AKAP14: variants seen among roughly 807,000 people sequenced by gnomAD.
AKAP14 encodes the protein A-kinase anchor protein 14.
AKAP14 carries 4 observed loss-of-function variants against 17.0 expected under a neutral mutation model. That is an observed-to-expected ratio of 0.23 (90% CI 0.12 to 0.54). The LOEUF is 0.54. Ranked by LOEUF, AKAP14 falls within the 20% of genes least tolerant of loss-of-function variation. AKAP14 has a pLI of 0.95. For missense variants in AKAP14, 129 were observed against 150.9 expected (o/e 0.85, Z 0.76); for synonymous variants, 42 against 51.3 (o/e 0.82, Z 0.77).
intron 4 of AKAP14, among the ~76,000 whole-genome samples, chrX:119,913,479 T>C (rs1264886689): frequency 8.9e-6 from 1 of 112,305 alleles, no homozygotes; most frequent in African/African-American, 3.2e-5. Context: ...CATGTAGACA[T>C]TGAAGGGTGT....
chrX:119,916,109 C>T (rs905557986), intron 5 of AKAP14, among the ~76,000 whole-genome samples: 3 of 111,333 alleles, frequency 2.7e-5, no homozygotes, highest in Non-Finnish European at 5.7e-5. Flanking sequence ...TGAACCACCA[C>T]GCCCAGCTGT....
intron 5 of AKAP14, among the ~76,000 whole-genome samples, chrX:119,916,747 C>T (rs1268026525): frequency 2.0e-5 from 2 of 98,517 alleles, no homozygotes; most frequent in Non-Finnish European, 4.1e-5. Flanking sequence ...GTGATCCACC[C>T]GGCTTAGCCT....
chrX:119,919,657 G>A (rs1329350810), intron 5 of AKAP14: 1 of 274,754 alleles, frequency 3.6e-6, no homozygotes, highest in Non-Finnish European at 6.4e-6. Flanking sequence ...ACCAGCCTGG[G>A]CAACAAGGTA....
chrX:119,914,773 C>A lies in AKAP14; in HGVS notation c.336C>A (p.Leu112=). 1 of 1,209,479 alleles carries A rather than the reference C, an allele frequency of 8.3e-7. No homozygotes were observed. Among genetic ancestry groups the A allele is most frequent in the East Asian group, 3.0e-5 (1 of 33,852 alleles). The change falls in exon 5 of 7, where the codon CTC becomes CTA. Residue 112 remains leucine, a synonymous_variant. Transcript: ENST00000371431. ...GGAAAGACTTAATTCACAGCTTCCT[C>A]TACATCTACTATGTACACTGGAGTA... ...VERKDLIHSF[L]YIYYVHWSIS... is the part of the protein sequence containing the mutation.
At chrX:119,914,989 C>A in intron 5 of AKAP14, 111 bp downstream of exon 5, 1 of 805,498 alleles carries the variant, frequency 1.2e-6, no homozygotes, top group Non-Finnish European at 1.8e-6. Flanking sequence ...ATACTTCTGT[C>A]CTCATCTTAC....
intron 4 of AKAP14, among the ~76,000 whole-genome samples, chrX:119,908,896 G>C (rs2056612582): frequency 7.2e-5 from 8 of 111,653 alleles, no homozygotes. Flanking sequence ...ATTCACAAAA[G>C]GGAGGAAAAA....
At chrX:119,918,930 C>T (rs1431067737) in intron 5 of AKAP14, among the ~76,000 whole-genome samples, 2 of 112,233 alleles carry the variant, frequency 1.8e-5, no homozygotes, top group Non-Finnish European at 3.8e-5. Flanking sequence ...GTCCTATATT[C>T]ATCCTATCCT....
chrX:119,916,295 C>T (rs761053855), intron 5 of AKAP14, among the ~76,000 whole-genome samples: 15 of 110,471 alleles, frequency 1.4e-4, no homozygotes, highest in Non-Finnish European at 2.3e-4. Flanking sequence ...CATCAGCCTT[C>T]CTTGTAGCTG....
chrX:119,915,413 C>T (rs767965407), intron 5 of AKAP14, among the ~76,000 whole-genome samples: 1 of 112,419 alleles, frequency 8.9e-6, no homozygotes, highest in Admixed American at 9.6e-5. Flanking sequence ...TAGCCAAAAT[C>T]CTTGGTGTCA....
rs549133343 is a variant in AKAP14 at position 119,908,284 on chromosome X, CA to C, written c.261+4716del. On this transcript the variant is annotated intron_variant, in intron 4 of 6. Transcript: ENST00000371431. ...CCTGGGCAACAGAGTGAGACTCTGTCAAAAAAAAAAAAAAAAAAGAAGGATG... is the reference window on the plus strand; with the variant it reads ...CCTGGGCAACAGAGTGAGACTCTGTCAAAAAAAAAAAAAAAAAGAAGGATG... Among the ~76,000 whole-genome samples, 412 of 47,426 alleles carry C rather than the reference CA, an allele frequency of 8.7e-3. 4 individuals are homozygous for C. In the East Asian group the frequency reaches 0.09, roughly 10 times the overall value. 41.2% of individuals were successfully genotyped at this position (47,426 alleles called of 115,157 possible). A position where few individuals can be genotyped will look rare whatever the true frequency, so the allele number is the denominator to read the frequency against.
At chrX:119,919,536 G>T (rs1215007589) in intron 5 of AKAP14, among the ~76,000 whole-genome samples, 1 of 112,713 alleles carries the variant, frequency 8.9e-6, no homozygotes, top group Middle Eastern at 4.2e-3. Flanking sequence ...CAAGTGTAGG[G>T]AAGTAAGGAA....
rs369594814 is a variant in AKAP14 at position 119,907,497 on chromosome X, G to A, written c.261+3911G>A. Among the ~76,000 whole-genome samples the A allele has an allele frequency of 1.0e-4, 11 of 108,708 alleles. 1 individual carries two copies. The South Asian group carries it at 1.2e-3, about 12-fold the overall frequency. 94.4% of individuals were successfully genotyped at this position (108,708 alleles called of 115,157 possible). A position where few individuals can be genotyped will look rare whatever the true frequency, so the allele number is the denominator to read the frequency against. On this transcript the variant is annotated intron_variant, in intron 4 of 6. Coordinates refer to ENST00000371431, the MANE Select transcript of AKAP14 (RefSeq NM_178813.6). The stretch of plus-strand genomic sequence containing the variant: ...TATTGAGACAGAGTCTTGCTCTGTC[G>A]CCCAAGCTGGAGTGCAGTGGCGCAA...
At chrX:119,900,819 G>A (rs1199691421) in intron 2 of AKAP14, among the ~76,000 whole-genome samples, 1 of 112,308 alleles carries the variant, frequency 8.9e-6, no homozygotes, top group East Asian at 2.8e-4. Context: ...TTACAGGCCT[G>A]AGCCACTGCA....
At chrX:119,917,815 G>A (rs937085730) in intron 5 of AKAP14, among the ~76,000 whole-genome samples, 2 of 112,005 alleles carry the variant, frequency 1.8e-5, no homozygotes, top group Non-Finnish European at 3.8e-5. Flanking sequence ...TTTAAAGTTT[G>A]TACAAATTAC....
intron 4 of AKAP14, among the ~76,000 whole-genome samples, chrX:119,914,111 GC>G: frequency 9.3e-6 from 1 of 107,534 alleles, no homozygotes; most frequent in Middle Eastern, 4.8e-3. Context: ...GGTGGCATAC[GC>G]CTGTAATCCC....
intron 4 of AKAP14, among the ~76,000 whole-genome samples, chrX:119,904,855 A>G (rs1235608047): frequency 9.2e-6 from 1 of 108,809 alleles, no homozygotes; most frequent in East Asian, 2.9e-4. Flanking sequence ...TGCATTCTCA[A>G]TCCTGGGCGA....
intron 4 of AKAP14, 137 bp from the exon 5 acceptor site, chrX:119,914,562 A>G (rs953532916): frequency 2.0e-5 from 11 of 561,074 alleles, no homozygotes; most frequent in Non-Finnish European, 2.7e-5. Context: ...GGCTCAAGCA[A>G]TCCTCCTGCC....
rs766146902 is a variant in AKAP14 at position 119,903,571 on chromosome X, T to C, written c.246T>C (p.Ile82=). The change falls in exon 4 of 7, where the codon ATT becomes ATC. Residue 82 remains isoleucine (I), a synonymous_variant. Transcript: ENST00000371431. ...EFTVEKGLKQ[I]DEYFSKCVSK... ...CTGTGGAAAAGGGTCTTAAACAAAT[T>C]GACGAATATTTTTCGGTAAGTTAGG... The C allele has an allele frequency of 8.3e-7, 1 of 1,211,217 alleles. No homozygotes were observed. The highest frequency in any genetic ancestry group is 3.0e-5 in the East Asian group (1 of 33,837).
intron 5 of AKAP14, 195 bp from the exon 6 acceptor site, chrX:119,919,716 G>A (rs2056678065): frequency 5.7e-6 from 2 of 351,350 alleles, no homozygotes; most frequent in Non-Finnish European, 9.9e-6. Context: ...TGTGGTGGCG[G>A]GCATCTATGA....
Sources: allele counts gnomAD v4.1 joint callset (sites outside exome capture counted in the v4.1 genomes callset), GRCh38; gene constraint gnomAD v4.1.1; transcripts MANE v1.5; gene names NCBI Gene and HGNC (gene_info 2026-07-23, HGNC 2026-07-21).